RIMS1: variants seen among roughly 807,000 people sequenced by gnomAD.
RIMS1 encodes the protein regulating synaptic membrane exocytosis 1.
In RIMS1, 83 loss-of-function variants were observed where a neutral mutation model predicts 214.1. The ratio of observed to expected loss-of-function variants is 0.39; its 90% CI spans 0.32 to 0.47. RIMS1 has a LOEUF of 0.47. Among genes scored for constraint, RIMS1 ranks in the 20% least tolerant of loss-of-function variants. The pLI is 0.99. For missense variants in RIMS1, 2,050 were observed against 2,161.8 expected, an observed-to-expected ratio of 0.95 and a Z score of 1.03; for synonymous variants, 793 against 786.8, an observed-to-expected ratio of 1.01 and a Z score of -0.13.
chr6:72,037,023 G>A (rs752717764), intron 2 of RIMS1, among the ~76,000 whole-genome samples: 1 of 152,080 alleles, frequency 6.6e-6, no homozygotes, highest in Non-Finnish European at 1.5e-5. Context: ...TTAAAATGAT[G>A]AAGTTCTTTC....
At chr6:72,155,106 A>T (rs1410258286) in intron 4 of RIMS1, among the ~76,000 whole-genome samples, 1 of 140,244 alleles carries the variant, frequency 7.1e-6, no homozygotes, top group Non-Finnish European at 1.6e-5. Context: ...TTGCATAGAG[A>T]GCTGGCTGGC....
intron 29 of RIMS1, among the ~76,000 whole-genome samples, chr6:72,380,322 A>T (rs2098464767): frequency 1.3e-5 from 2 of 152,194 alleles, no homozygotes; most frequent in African/African-American, 4.8e-5. Context: ...GGTGCAGCAC[A>T]CCAACATGGC....
chr6:72,203,071 T>C (rs1589054208), intron 6 of RIMS1, among the ~76,000 whole-genome samples: 1 of 152,296 alleles, frequency 6.6e-6, no homozygotes, highest in East Asian at 1.9e-4. Flanking sequence ...CACTGCATGC[T>C]CCGTCTCCTA....
At chr6:72,242,543 T>C in intron 10 of RIMS1, 106 bp downstream of exon 10, 1 of 785,740 alleles carries the variant, frequency 1.3e-6, no homozygotes, top group Non-Finnish European at 1.9e-6. Flanking sequence ...CATGGATAGT[T>C]TTTGCATCAA....
At chr6:72,308,294 T>A (rs2095331947) in intron 27 of RIMS1, among the ~76,000 whole-genome samples, 1 of 152,102 alleles carries the variant, frequency 6.6e-6, no homozygotes, top group Non-Finnish European at 1.5e-5. Context: ...ATAGCATAGA[T>A]TTTTGTTCTT....
intron 1 of RIMS1, among the ~76,000 whole-genome samples, chr6:71,924,484 CTTTA>C (rs1331924867): frequency 2.6e-5 from 4 of 151,662 alleles, no homozygotes; most frequent in Admixed American, 6.6e-5. Context: ...TTTTATCTTT[CTTTA>C]TTTGTTTTAA....
At chr6:71,898,180 C>T (rs2150415623) in intron 1 of RIMS1, among the ~76,000 whole-genome samples, 1 of 152,038 alleles carries the variant, frequency 6.6e-6, no homozygotes, top group African/African-American at 2.4e-5. Context: ...AAAAGTAATC[C>T]TCTGGACAGA....
intron 4 of RIMS1, among the ~76,000 whole-genome samples, chr6:72,134,346 T>C (rs2040926687): frequency 6.6e-6 from 1 of 152,036 alleles, no homozygotes; most frequent in Admixed American, 6.6e-5. Context: ...TCATTTTTCC[T>C]TCATTCTCAG....
chr6:72,231,269 A>C (rs2154078427), intron 6 of RIMS1, among the ~76,000 whole-genome samples: 1 of 151,824 alleles, frequency 6.6e-6, no homozygotes, highest in Middle Eastern at 3.4e-3. Flanking sequence ...TTTACAACTA[A>C]GTATTTAGAT....
intron 4 of RIMS1, among the ~76,000 whole-genome samples, chr6:72,176,621 T>C (rs1038385558): frequency 1.5e-4 from 23 of 152,128 alleles, no homozygotes; most frequent in Non-Finnish European, 3.1e-4. Flanking sequence ...GGAGGATGGA[T>C]TGACTACACT....
intron 1 of RIMS1, among the ~76,000 whole-genome samples, chr6:71,943,677 A>C (rs992502105): frequency 1.3e-5 from 2 of 152,202 alleles, no homozygotes; most frequent in African/African-American, 4.8e-5. Flanking sequence ...AATATAGGCA[A>C]TAAGCATTTT....
intron 22 of RIMS1, among the ~76,000 whole-genome samples, chr6:72,272,193 T>C (rs927664194): frequency 1.2e-4 from 19 of 152,162 alleles, no homozygotes; most frequent in African/African-American, 4.6e-4. Flanking sequence ...AAGTTGAAGC[T>C]ATGTATATTT....
chr6:71,906,833 T>A (rs1317766434), intron 1 of RIMS1, among the ~76,000 whole-genome samples: 1 of 152,202 alleles, frequency 6.6e-6, no homozygotes, highest in Non-Finnish European at 1.5e-5. Flanking sequence ...TTAGCACAGC[T>A]TTTCACATGT....
In RIMS1 at chr6:72,187,772, G is replaced by A. The variant is rs1246830043; in HGVS notation, c.1678+4623G>A. On this transcript the variant is annotated intron_variant, in intron 6 of 33. Transcript: ENST00000521978. Reference sequence around the variant, plus strand: ...CTCCCAAAGTGCTGGGATTACAGGTGGGAGCCATCGCGCCCAGCCCAGAAA... The same window carrying A: ...CTCCCAAAGTGCTGGGATTACAGGTAGGAGCCATCGCGCCCAGCCCAGAAA... Among the ~76,000 whole-genome samples the A allele has an allele frequency of 3.9e-5, 6 of 152,226 alleles. No homozygotes were observed. In the East Asian group the frequency reaches 1.2e-3, roughly 29 times the overall value.
rs767496116 is a variant in RIMS1 at position 71,887,036 on chromosome 6, G to C, written c.13G>C (p.Val5Leu). 81 of 1,613,006 alleles carry C rather than the reference G, an allele frequency of 5.0e-5. No homozygotes were observed. The Admixed American group carries it at 1.3e-3, about 26-fold the overall frequency. The change falls in exon 1 of 34, where the codon GTG (valine) becomes CTG (leucine). Residue 5 changes from valine to leucine, a missense_variant. This residue lies in a region of RIMS1 where 882 missense variants were observed against 828.9 expected (regional missense o/e 1.06). Transcript: ENST00000521978. ...GCAGGCCACGAAAATGTCCTCGGCC[G>C]TGGGGCCCCGCGGTCCTCGCCCACC... MSSA[V>L]GPRGPRPPTV... is the part of the protein sequence containing the mutation.
chr6:71,887,458 C>T (rs1185941384), intron 1 of RIMS1, among the ~76,000 whole-genome samples: 1 of 151,950 alleles, frequency 6.6e-6, no homozygotes, highest in African/African-American at 2.4e-5. Flanking sequence ...GATGGGTGGA[C>T]GGGGGCCACG....
intron 2 of RIMS1, among the ~76,000 whole-genome samples, chr6:72,071,205 G>A (rs539493852): frequency 6.6e-6 from 1 of 152,210 alleles, no homozygotes; most frequent in South Asian, 2.1e-4. Context: ...AGATCAGCCT[G>A]GGCAACATGG....
chr6:71,895,537 G>A (rs1236222158), intron 1 of RIMS1, among the ~76,000 whole-genome samples: 1 of 151,976 alleles, frequency 6.6e-6, no homozygotes, highest in Non-Finnish European at 1.5e-5. Context: ...TAGCCGGCGT[G>A]GTGATGCATG....
At chr6:72,336,482 G>A (rs1311839376) in intron 29 of RIMS1, among the ~76,000 whole-genome samples, 1 of 151,748 alleles carries the variant, frequency 6.6e-6, no homozygotes, top group Admixed American at 6.6e-5. Flanking sequence ...TCTTTTCAGA[G>A]ACTGGATTCC....
Sources: allele counts gnomAD v4.1 joint callset (sites outside exome capture counted in the v4.1 genomes callset), GRCh38; gene constraint gnomAD v4.1.1; regional missense constraint gnomAD v4.1.1; transcripts MANE v1.5; gene names NCBI Gene and HGNC (gene_info 2026-07-23, HGNC 2026-07-21).